The following JAK1 variants were observed in gnomAD, a reference collection of about 807,000 sequenced individuals.
JAK1 encodes the protein Janus kinase 1.
A neutral mutation model predicts 136.6 loss-of-function variants in JAK1; 16 were observed. That is an observed-to-expected ratio of 0.12 (90% CI 0.08 to 0.18). JAK1 has a LOEUF of 0.18. JAK1 is among the 10% of genes least tolerant of loss of function. The probability of loss-of-function intolerance (pLI) is 1.00; values close to 1 mark genes in which losing one functional copy is unlikely to be tolerated. For synonymous variants in JAK1, 492 were observed against 519.5 expected (o/e 0.95, Z 0.72); for missense variants, 859 against 1,450.1 (o/e 0.59, Z 6.62).
Position 64,882,027 on chromosome 1 carries a change from G to C in JAK1, c.205+1250C>G, listed in dbSNP as rs568386098. ...AACACACTTAAAGCTGCTGTCTAAA[G>C]ATGGTTATTTGTACACATTGCGGCC... On this transcript the variant is annotated intron_variant, in intron 3 of 24. Coordinates refer to ENST00000342505, the MANE Select transcript of JAK1 (RefSeq NM_002227.4). Among the ~76,000 whole-genome samples, 7 of 152,328 alleles carry C rather than the reference G, an allele frequency of 4.6e-5. No homozygotes were observed. In the South Asian group the frequency reaches 1.5e-3, roughly 32 times the overall value.
At chr1:64,875,175 C>T (rs1419767242) in intron 4 of JAK1, among the ~76,000 whole-genome samples, 4 of 152,266 alleles carry the variant, frequency 2.6e-5, no homozygotes, top group South Asian at 4.1e-4. Flanking sequence ...GGCGAGGTGC[C>T]GAGGAGACAG....
At chr1:64,858,950 C>T (rs574318831) in intron 9 of JAK1, among the ~76,000 whole-genome samples, 31 of 152,216 alleles carry the variant, frequency 2.0e-4, no homozygotes, top group Non-Finnish European at 4.3e-4. Flanking sequence ...GGAGGAAGGG[C>T]ATTCTGGGCC....
At chr1:65,011,341 T>A (rs116371664) in intron 2 of JAK1, among the ~76,000 whole-genome samples, 10,375 of 151,738 alleles carry the variant, frequency 0.068, 516 homozygotes, top group Admixed American at 0.16. Context: ...CTGGGTGTGG[T>A]AGTGCATGCC....
intron 1 of JAK1, among the ~76,000 whole-genome samples, chr1:64,928,789 A>AAAAAAC (rs1553170017): frequency 8.1e-6 from 1 of 123,144 alleles, no homozygotes; most frequent in Non-Finnish European, 1.5e-5. Context: ...AAAAAAAAAA[A>AAAAAAC]AAAAAAACAA....
intron 1 of JAK1, among the ~76,000 whole-genome samples, chr1:64,920,568 C>T (rs1645478058): frequency 6.6e-6 from 1 of 152,102 alleles, no homozygotes; most frequent in Admixed American, 6.6e-5. Flanking sequence ...CTAGACTACA[C>T]TAGACCAAAC....
chr1:64,894,540 C>T (rs1011500593), intron 1 of JAK1, among the ~76,000 whole-genome samples: 1 of 152,124 alleles, frequency 6.6e-6, no homozygotes, highest in African/African-American at 2.4e-5. Flanking sequence ...GGGCGGATCA[C>T]TTGAGGTCAG....
At chr1:65,023,897 T>C (rs1171793697) in intron 2 of JAK1, among the ~76,000 whole-genome samples, 3 of 150,390 alleles carry the variant, frequency 2.0e-5, no homozygotes, top group African/African-American at 4.9e-5. Flanking sequence ...TCACTCACCA[T>C]GGTTCTAGAT....
rs1646473346 is a variant in JAK1, at chr1:64,973,644, A to G, written c.-78+70836T>C. 10 of 149,726 alleles carry G rather than the reference A, an allele frequency of 6.7e-5. No individual in the cohort carries two copies. The South Asian group carries it at 2.1e-3, about 32-fold the overall frequency. The allele number at this position is 149,726 out of a possible 1,614,324, so 9.3% of individuals were successfully genotyped here. ...TGCAAAAAAAAAAAAAAAAAAAAGG[A>G]AAAGGAAAATCAAATGTTGAACCTC... On this transcript the variant is annotated intron_variant, in intron 2 of 25. Coordinates refer to the JAK1 transcript ENST00000671954.
At chr1:64,973,309 G>C (rs1646470010) in intron 2 of JAK1, among the ~76,000 whole-genome samples, 1 of 136,062 alleles carries the variant, frequency 7.3e-6, no homozygotes, top group Non-Finnish European at 1.6e-5. Flanking sequence ...GAAAGAGAGA[G>C]AAAGGAAGGA....
At chr1:64,852,891 C>T (rs1234900322) in intron 11 of JAK1, among the ~76,000 whole-genome samples, 1 of 152,182 alleles carries the variant, frequency 6.6e-6, no homozygotes, top group Non-Finnish European at 1.5e-5. Flanking sequence ...ATCTTAGTCA[C>T]TGTCATCATT....
intron 2 of JAK1, among the ~76,000 whole-genome samples, chr1:65,033,874 T>G (rs1183265145): frequency 1.3e-5 from 2 of 152,238 alleles, no homozygotes; most frequent in Non-Finnish European, 2.9e-5. Flanking sequence ...GGGCAAATTA[T>G]ATAACATTTC....
At chr1:64,892,312 G>T (rs990789940) in intron 1 of JAK1, among the ~76,000 whole-genome samples, 1 of 152,000 alleles carries the variant, frequency 6.6e-6, no homozygotes, top group Admixed American at 6.5e-5. Flanking sequence ...ATGGAATCTC[G>T]CTCTGTCACC....
chr1:64,966,670 G>A (rs1185819962), upstream of JAK1, among the ~76,000 whole-genome samples: 26 of 141,332 alleles, frequency 1.8e-4, no homozygotes, highest in African/African-American at 6.7e-4. Flanking sequence ...TCGCGGTCCC[G>A]GCGGAGACTC....
intron 1 of JAK1, among the ~76,000 whole-genome samples, chr1:64,940,229 T>C (rs941307361): frequency 6.6e-6 from 1 of 152,146 alleles, no homozygotes; most frequent in Non-Finnish European, 1.5e-5. Context: ...TACATGTGCA[T>C]GCAAATACAC....
chr1:65,019,453 AC>A (rs34198843), intron 2 of JAK1, among the ~76,000 whole-genome samples: 20,984 of 130,212 alleles, frequency 0.16, 2,030 homozygotes, highest in East Asian at 0.32. Context: ...AACCCATATG[AC>A]CCCCCCCCCA....
At chr1:64,871,318 C>T (rs1462607908) in intron 5 of JAK1, among the ~76,000 whole-genome samples, 3 of 152,112 alleles carry the variant, frequency 2.0e-5, no homozygotes, top group Non-Finnish European at 4.4e-5. Context: ...ATGGTATACT[C>T]TAAGGTAATA....
At chr1:64,841,652 T>G in intron 17 of JAK1, 51 bp from the exon 18 acceptor site, 1 of 1,600,202 alleles carries the variant, frequency 6.2e-7, no homozygotes, top group Middle Eastern at 2.2e-4. Context: ...ACCTACAAAC[T>G]TCTCAGCCCC....
At chr1:64,953,411 C>T (rs992952469) in intron 1 of JAK1, among the ~76,000 whole-genome samples, 1 of 152,100 alleles carries the variant, frequency 6.6e-6, no homozygotes, top group Non-Finnish European at 1.5e-5. Flanking sequence ...CACATCGGCT[C>T]GTCCTGGTTC....
At chr1:64,857,869 G>T in intron 9 of JAK1, 90 bp from the exon 10 acceptor site, 3 of 1,474,930 alleles carry the variant, frequency 2.0e-6, no homozygotes, top group Non-Finnish European at 2.8e-6. Flanking sequence ...GCTGCCTCAA[G>T]TCTTAACAGC....
Sources: gnomAD v4.1 joint callset for allele counts (sites outside exome capture counted in the v4.1 genomes callset) on GRCh38, gnomAD v4.1.1 for gene constraint, MANE v1.5 for transcripts, NCBI Gene and HGNC (gene_info 2026-07-23, HGNC 2026-07-21) for gene names.